SPATA16: variants seen among roughly 807,000 people sequenced by gnomAD.
The protein encoded by SPATA16 is spermatogenesis-associated protein 16.
A neutral mutation model predicts 63.3 loss-of-function variants in SPATA16; 36 were observed. The observed-to-expected ratio is 0.57, with a 90% CI of 0.44 to 0.75. SPATA16 has a LOEUF of 0.75. SPATA16 is among the 30% of genes least tolerant of loss of function. The pLI is 0.00. For synonymous variants in SPATA16, 203 were observed against 216.7 expected (o/e 0.94, Z 0.56); for missense variants, 646 against 679.3 (o/e 0.95, Z 0.54).
chr3:172,945,803 G>T (rs187549916), intron 6 of SPATA16, among the ~76,000 whole-genome samples: 18 of 152,300 alleles, frequency 1.2e-4, no homozygotes, highest in African/African-American at 4.1e-4. Flanking sequence ...AACTTGAAAG[G>T]TAGTCTAGGC....
intron 2 of SPATA16, among the ~76,000 whole-genome samples, chr3:173,080,531 G>A (rs1736899940): frequency 6.6e-6 from 1 of 152,198 alleles, no homozygotes; most frequent in South Asian, 2.1e-4. Flanking sequence ...GGATGAGGAT[G>A]ACGGGAAAGT....
chr3:173,123,474 G>A (rs1738139876), intron 1 of SPATA16, among the ~76,000 whole-genome samples: 2 of 151,744 alleles, frequency 1.3e-5, no homozygotes, highest in African/African-American at 4.8e-5. Context: ...TTTTAACTTA[G>A]TAACAAGATA....
In SPATA16 at chr3:172,969,462, C is replaced by G. The variant is rs183962716; in HGVS notation, c.933+7506G>C. ...TGGAAATAGCTTTTGAGACATATGC[C>G]TGGGGTTGTGCATCAGAATCACCTG... On this transcript the variant is annotated intron_variant, in intron 5 of 10. Coordinates refer to ENST00000351008, the MANE Select transcript of SPATA16 (RefSeq NM_031955.6). Among the ~76,000 whole-genome samples the G allele has an allele frequency of 3.6e-3, 551 of 152,156 alleles. 3 individuals carry two copies. Among genetic ancestry groups the G allele is most frequent in the African/African-American group, 0.013 (534 of 41,514 alleles).
In SPATA16 at chr3:172,925,444, A is replaced by G. The variant is rs111956381; in HGVS notation, c.1130T>C (p.Phe377Ser). 1 of 1,613,970 alleles carries G rather than the reference A, an allele frequency of 6.2e-7. No individual in the cohort carries two copies. Reference sequence around the variant, plus strand: ...AGTCAAGAGATATTGTTGGGGAGGAAAAGATGACCAGTCAACTGTCTGAGG... The same window carrying G: ...AGTCAAGAGATATTGTTGGGGAGGAGAAGATGACCAGTCAACTGTCTGAGG... Reference protein sequence around the residue: ...MLPQTVDWSSFPPQQYLLTLG... With the variant: ...MLPQTVDWSSSPPQQYLLTLG... The change falls in exon 7 of 11, where the codon TTT becomes TCT. Residue 377 changes from phenylalanine (F) to serine (S), a missense_variant. Phe to Ser is a radical substitution (Grantham distance 155, BLOSUM62 -2). Transcript: ENST00000351008.
At chr3:172,895,988 AT>A (rs368227171) in intron 10 of SPATA16, among the ~76,000 whole-genome samples, 17 of 148,904 alleles carry the variant, frequency 1.1e-4, no homozygotes, top group East Asian at 2.0e-4. Flanking sequence ...TGCATATTTA[AT>A]TTTTTTTTTT....
chr3:173,060,668 C>T (rs1736358018), intron 2 of SPATA16, among the ~76,000 whole-genome samples: 1 of 152,142 alleles, frequency 6.6e-6, no homozygotes, highest in Non-Finnish European at 1.5e-5. Context: ...AGGTATAAAA[C>T]TCTGTGCTAA....
At chr3:173,051,497 A>C (rs539495611) in intron 2 of SPATA16, among the ~76,000 whole-genome samples, 2 of 151,812 alleles carry the variant, frequency 1.3e-5, no homozygotes, top group Admixed American at 1.3e-4. Flanking sequence ...CACCGTGCCC[A>C]GCCAATTTTT....
Position 173,023,137 on chromosome 3 carries a change from A to ATGTGTGTG in SPATA16, c.759-3570_759-3563dup, listed in dbSNP as rs11282206. Among the ~76,000 whole-genome samples, 14 of 139,962 alleles carry ATGTGTGTG rather than the reference A, an allele frequency of 1.0e-4. No homozygotes were observed. The East Asian group carries it at 2.1e-3, about 21-fold the overall frequency. 91.8% of individuals were successfully genotyped at this position (139,962 alleles called of 152,430 possible). On this transcript the variant is annotated intron_variant, in intron 3 of 10. Transcript: ENST00000351008. ...AGTTCACATGATTTGATGCTTGTGT[A>ATGTGTGTG]TGTGTGTGTGTGTGTGTGTGTGTGT...
chr3:172,951,213 T>C (rs1354695004), intron 6 of SPATA16, among the ~76,000 whole-genome samples: 4 of 152,154 alleles, frequency 2.6e-5, no homozygotes, highest in Non-Finnish European at 4.4e-5. Context: ...GTAATTTTTT[T>C]CTCCATGAAA....
intron 1 of SPATA16, among the ~76,000 whole-genome samples, chr3:173,125,783 G>A (rs905685215): frequency 9.2e-5 from 14 of 152,154 alleles, no homozygotes; most frequent in African/African-American, 3.4e-4. Context: ...TCCCCCACCA[G>A]AATGTGAGAG....
At chr3:173,051,298 G>C (rs1487962309) in intron 2 of SPATA16, among the ~76,000 whole-genome samples, 1 of 152,180 alleles carries the variant, frequency 6.6e-6, no homozygotes, top group Admixed American at 6.5e-5. Flanking sequence ...TGCCTCCCGG[G>C]TTCAAGCGAT....
chr3:172,892,673 A>G (rs1426449946), intron 10 of SPATA16, among the ~76,000 whole-genome samples: 1 of 152,232 alleles, frequency 6.6e-6, no homozygotes, highest in East Asian at 1.9e-4. Flanking sequence ...AGATTCATAT[A>G]ACTAGAAGAA....
At chr3:172,972,638 C>T (rs1199487985) in intron 5 of SPATA16, among the ~76,000 whole-genome samples, 1 of 152,058 alleles carries the variant, frequency 6.6e-6, no homozygotes, top group Non-Finnish European at 1.5e-5. Context: ...ATTGAAAATG[C>T]TGAAGTTACT....
intron 3 of SPATA16, among the ~76,000 whole-genome samples, chr3:173,031,193 A>G (rs1026028442): frequency 1.3e-5 from 2 of 151,316 alleles, no homozygotes; most frequent in East Asian, 1.9e-4. Flanking sequence ...TGAACTGTAC[A>G]CTTAACACTG....
At chr3:172,986,771 C>A (rs1461432040) in intron 4 of SPATA16, among the ~76,000 whole-genome samples, 3 of 152,084 alleles carry the variant, frequency 2.0e-5, no homozygotes, top group Non-Finnish European at 2.9e-5. Context: ...GTGGCAAGGG[C>A]AGTTCTGTGG....
At chr3:172,900,921 T>A (rs1732115071) in intron 10 of SPATA16, among the ~76,000 whole-genome samples, 1 of 152,132 alleles carries the variant, frequency 6.6e-6, no homozygotes, top group Non-Finnish European at 1.5e-5. Flanking sequence ...GATTCAGGCA[T>A]AAGGCACTGC....
intron 3 of SPATA16, among the ~76,000 whole-genome samples, chr3:173,039,758 G>C (rs1482264244): frequency 6.6e-6 from 1 of 152,066 alleles, no homozygotes; most frequent in Admixed American, 6.6e-5. Context: ...TAAAATGTCT[G>C]GGTGAAGAGC....
At chr3:173,128,559 A>C (rs1738288825) in intron 1 of SPATA16, among the ~76,000 whole-genome samples, 1 of 152,188 alleles carries the variant, frequency 6.6e-6, no homozygotes, top group Non-Finnish European at 1.5e-5. Flanking sequence ...TAAGCAGAAG[A>C]GGGCTGTATT....
At chr3:173,036,955 C>G (rs575793461) in intron 3 of SPATA16, among the ~76,000 whole-genome samples, 18 of 151,868 alleles carry the variant, frequency 1.2e-4, no homozygotes, top group Admixed American at 1.2e-3. Flanking sequence ...GTTGTCATTT[C>G]TATATGGCAG....
Sources: gnomAD v4.1 joint callset for allele counts (sites outside exome capture counted in the v4.1 genomes callset) on GRCh38, gnomAD v4.1.1 for gene constraint, MANE v1.5 for transcripts, NCBI Gene and HGNC (gene_info 2026-07-23, HGNC 2026-07-21) for gene names.